Variants in PRR16 observed in about 807,000 individuals in gnomAD.
PRR16 encodes the protein protein Largen.
PRR16 carries 6 observed loss-of-function variants against 18.2 expected under a neutral mutation model. That is an observed-to-expected ratio of 0.33 (90% CI 0.18 to 0.65). PRR16 has a LOEUF of 0.65. PRR16 is among the 30% of genes least tolerant of loss of function. PRR16 has a pLI of 0.74. For synonymous variants in PRR16, 151 were observed against 147.8 expected (o/e 1.02, Z -0.16); for missense variants, 412 against 376.6 (o/e 1.09, Z -0.78).
At chr5:120,595,393 A>G (rs866449361) in intron 1 of PRR16, among the ~76,000 whole-genome samples, 2 of 151,586 alleles carry the variant, frequency 1.3e-5, no homozygotes, top group East Asian at 1.9e-4. Context: ...CCACAATGAG[A>G]TACCATTTCA....
the PRR16 span, among the ~76,000 whole-genome samples, chr5:120,783,449 A>G: frequency 1.3e-5 from 2 of 152,154 alleles, no homozygotes; most frequent in Admixed American, 6.5e-5. Flanking sequence ...CTAGATAGGT[A>G]GAATGGCATC....
At chr5:120,591,345 C>T (rs908011193) in intron 1 of PRR16, among the ~76,000 whole-genome samples, 53 of 151,872 alleles carry the variant, frequency 3.5e-4, no homozygotes, top group African/African-American at 9.9e-4. Flanking sequence ...AACAAGTCGT[C>T]GATTTTCACA....
At chr5:120,524,911 T>C (rs1580685036) in intron 1 of PRR16, among the ~76,000 whole-genome samples, 1 of 152,282 alleles carries the variant, frequency 6.6e-6, no homozygotes, top group Non-Finnish European at 1.5e-5. Flanking sequence ...TTTTACTGTA[T>C]TGCTCAGCCT....
At chr5:120,738,745 A>T in the PRR16 span, among the ~76,000 whole-genome samples, 1 of 152,136 alleles carries the variant, frequency 6.6e-6, no homozygotes, top group Non-Finnish European at 1.5e-5. Flanking sequence ...TTCATCAGAG[A>T]GTGACTGACT....
the PRR16 span, among the ~76,000 whole-genome samples, chr5:120,763,488 T>A: frequency 1.3e-5 from 2 of 152,296 alleles, no homozygotes; most frequent in East Asian, 1.9e-4. Context: ...GGTAAGGTAA[T>A]GTGATACTTA....
intron 1 of PRR16, chr5:120,465,846 G>T (rs144214379): frequency 6.6e-6 from 1 of 152,442 alleles, no homozygotes; most frequent in African/African-American, 2.4e-5. Context: ...CAACGGGGAG[G>T]AGACTGAGGG....
the PRR16 span, among the ~76,000 whole-genome samples, chr5:120,791,269 T>C: frequency 2.1e-4 from 32 of 152,096 alleles, no homozygotes; most frequent in Non-Finnish European, 5.9e-5. Context: ...TAATGGAAGA[T>C]TGATATTTCA....
At chr5:120,517,147 A>G (rs1006119999) in intron 1 of PRR16, among the ~76,000 whole-genome samples, 4 of 152,250 alleles carry the variant, frequency 2.6e-5, no homozygotes, top group Non-Finnish European at 5.9e-5. Flanking sequence ...AGAAAATATT[A>G]CAACAGAGAA....
the PRR16 span, among the ~76,000 whole-genome samples, chr5:120,743,317 T>C: frequency 6.6e-6 from 1 of 152,172 alleles, no homozygotes; most frequent in South Asian, 2.1e-4. Context: ...AATTTAGTTT[T>C]GAGAAGCTTT....
intron 1 of PRR16, among the ~76,000 whole-genome samples, chr5:120,594,809 CT>C (rs1223117132): frequency 2.0e-5 from 3 of 151,874 alleles, no homozygotes; most frequent in South Asian, 2.1e-4. Context: ...TGCTGCATAC[CT>C]AAAGCCATCG....
the PRR16 span, among the ~76,000 whole-genome samples, chr5:120,765,462 CTG>C: frequency 5.3e-5 from 8 of 152,000 alleles, no homozygotes; most frequent in African/African-American, 7.2e-5. Flanking sequence ...ACATCCAACT[CTG>C]GGGTAGTTTT....
At chr5:120,791,584 C>CATCTATCTATCTATCT in the PRR16 span, among the ~76,000 whole-genome samples, 5,142 of 127,392 alleles carry the variant, frequency 0.04, 119 homozygotes, top group Admixed American at 0.061. Context: ...GAACTTCTAT[C>CATCTATCTATCTATCT]ATCTATCTAT....
chr5:120,623,602 A>T (rs1185910435), intron 1 of PRR16, among the ~76,000 whole-genome samples: 1 of 152,106 alleles, frequency 6.6e-6, no homozygotes, highest in African/African-American at 2.4e-5. Flanking sequence ...TACTCTATTT[A>T]TTATTATCTT....
At chr5:120,682,815 C>T (rs1757011431) in intron 1 of PRR16, among the ~76,000 whole-genome samples, 1 of 152,168 alleles carries the variant, frequency 6.6e-6, no homozygotes, top group South Asian at 2.1e-4. Flanking sequence ...AAGTAACAAC[C>T]ACTTCCAAGA....
At chr5:120,786,880 T>C in the PRR16 span, among the ~76,000 whole-genome samples, 1 of 152,118 alleles carries the variant, frequency 6.6e-6, no homozygotes, top group Admixed American at 6.5e-5. Flanking sequence ...TCATTCACAT[T>C]TTGCATATTG....
At chr5:120,749,473 G>A in the PRR16 span, among the ~76,000 whole-genome samples, 3 of 152,078 alleles carry the variant, frequency 2.0e-5, no homozygotes, top group African/African-American at 7.2e-5. Flanking sequence ...AAAGTCAAAT[G>A]TAAGTCTTTT....
the PRR16 span, among the ~76,000 whole-genome samples, chr5:120,695,841 G>A: frequency 4.0e-4 from 61 of 151,914 alleles, no homozygotes; most frequent in African/African-American, 1.4e-3. Context: ...AAATAACTTC[G>A]TTTTGTAAGC....
At chr5:120,784,583 A>C in the PRR16 span, among the ~76,000 whole-genome samples, 1 of 152,328 alleles carries the variant, frequency 6.6e-6, no homozygotes, top group East Asian at 1.9e-4. Flanking sequence ...ATATGTAAGA[A>C]ACTCAAAAAA....
chr5:120,473,051 T>C (rs1749322641), intron 1 of PRR16, among the ~76,000 whole-genome samples: 1 of 152,184 alleles, frequency 6.6e-6, no homozygotes, highest in South Asian at 2.1e-4. Flanking sequence ...TCTTGATATG[T>C]GTAAGTCACT....
Sources: gnomAD v4.1 joint callset for allele counts (sites outside exome capture counted in the v4.1 genomes callset) on GRCh38, gnomAD v4.1.1 for gene constraint, MANE v1.5 for transcripts, NCBI Gene and HGNC (gene_info 2026-07-23, HGNC 2026-07-21) for gene names.